CMSS1: variants seen among roughly 807,000 people sequenced by gnomAD.
CMSS1 encodes the protein protein CMSS1.
CMSS1 carries 33 observed loss-of-function variants against 43.5 expected under a neutral mutation model. The ratio of observed to expected loss-of-function variants is 0.76; its 90% CI spans 0.57 to 1.01. The LOEUF is 1.01. CMSS1 is among the 50% of genes least tolerant of loss of function. CMSS1 has a pLI of 0.00. For synonymous variants in CMSS1, 115 were observed against 117.2 expected (o/e 0.98, Z 0.12); for missense variants, 313 against 326.4 (o/e 0.96, Z 0.32).
chr3:99,879,890 AGGTAT>A (rs752184138), intron 1 of CMSS1, among the ~76,000 whole-genome samples: 256 of 152,134 alleles, frequency 1.7e-3, no homozygotes, highest in Middle Eastern at 3.4e-3. Context: ...GCATAGGGAG[AGGTAT>A]AGTTCCATGG....
chr3:100,027,011 T>C (rs772208842), intron 1 of CMSS1, among the ~76,000 whole-genome samples: 33 of 152,284 alleles, frequency 2.2e-4, no homozygotes, highest in Admixed American at 2.0e-4. Flanking sequence ...TTGTGACCTT[T>C]GTCCTTGCTG....
At chr3:100,010,113 T>C in intron 1 of CMSS1, 1 of 937,014 alleles carries the variant, frequency 1.1e-6, no homozygotes, top group Non-Finnish European at 1.3e-6. Flanking sequence ...TTTTTCTTTC[T>C]GTCTCTCTTA....
At chr3:100,041,694 A>G (rs2065207157) in intron 1 of CMSS1, among the ~76,000 whole-genome samples, 1 of 152,230 alleles carries the variant, frequency 6.6e-6, no homozygotes, top group Non-Finnish European at 1.5e-5. Context: ...GAAGGGGGAT[A>G]AGTGCAGATA....
intron 1 of CMSS1, among the ~76,000 whole-genome samples, chr3:100,145,627 T>C (rs377328265): frequency 2.6e-5 from 4 of 152,334 alleles, no homozygotes; most frequent in East Asian, 3.9e-4. Context: ...GCTGATAGTT[T>C]AGTTCTAGTC....
intron 1 of CMSS1, among the ~76,000 whole-genome samples, chr3:99,855,312 T>C (rs1411976510): frequency 6.6e-6 from 1 of 152,192 alleles, no homozygotes; most frequent in Admixed American, 6.5e-5. Context: ...AGCTACATTT[T>C]CATGCAAAAA....
chr3:99,943,766 A>G (rs1450624815), intron 1 of CMSS1, among the ~76,000 whole-genome samples: 1 of 152,222 alleles, frequency 6.6e-6, no homozygotes, highest in African/African-American at 2.4e-5. Flanking sequence ...TAATCCAAAT[A>G]TAAGCAAAGC....
intron 1 of CMSS1, among the ~76,000 whole-genome samples, chr3:100,135,078 G>A (rs2066740208): frequency 6.6e-6 from 1 of 152,168 alleles, no homozygotes; most frequent in African/African-American, 2.4e-5. Flanking sequence ...AGAGCATTTA[G>A]AACAGTGCCT....
chr3:99,820,773 T>C (rs1331787239), intron 1 of CMSS1, among the ~76,000 whole-genome samples: 1 of 152,236 alleles, frequency 6.6e-6, no homozygotes, highest in African/African-American at 2.4e-5. Flanking sequence ...TTACTTAAGT[T>C]ATTTGATAGG....
At chr3:99,888,964 A>C (rs1457144194) in intron 1 of CMSS1, among the ~76,000 whole-genome samples, 1 of 152,138 alleles carries the variant, frequency 6.6e-6, no homozygotes, top group African/African-American at 2.4e-5. Flanking sequence ...CATTGATTAC[A>C]TTATATTCAG....
chr3:100,012,869 G>C (rs1401956613), intron 1 of CMSS1, among the ~76,000 whole-genome samples: 1 of 151,322 alleles, frequency 6.6e-6, no homozygotes, highest in Admixed American at 6.6e-5. Flanking sequence ...CACCTCCCAG[G>C]CTCAAGCAGT....
chr3:99,873,871 C>A (rs1278734925), intron 1 of CMSS1, among the ~76,000 whole-genome samples: 1 of 152,158 alleles, frequency 6.6e-6, no homozygotes, highest in Non-Finnish European at 1.5e-5. Context: ...TTAATCACCA[C>A]AAAAGTGCAA....
chr3:100,129,573 G>T (rs2066690195), intron 1 of CMSS1, among the ~76,000 whole-genome samples: 1 of 152,160 alleles, frequency 6.6e-6, no homozygotes, highest in Admixed American at 6.5e-5. Context: ...TGCTGATTAA[G>T]TTTGGGCTTG....
At chr3:100,168,039 G>T (rs920694770) in intron 6 of CMSS1, among the ~76,000 whole-genome samples, 199 bp downstream of exon 6, 1 of 152,174 alleles carries the variant, frequency 6.6e-6, no homozygotes, top group Non-Finnish European at 1.5e-5. Flanking sequence ...GATAAGTTAT[G>T]TAAGGAAAAA....
chr3:99,879,962 A>G (rs192501059), intron 1 of CMSS1, among the ~76,000 whole-genome samples: 28 of 152,222 alleles, frequency 1.8e-4, no homozygotes, highest in Admixed American at 1.6e-3. Context: ...TTCGGTGTTT[A>G]TTGCACCCCA....
intron 1 of CMSS1, among the ~76,000 whole-genome samples, chr3:100,137,258 G>A (rs1438183495): frequency 6.6e-6 from 1 of 152,200 alleles, no homozygotes; most frequent in African/African-American, 2.4e-5. Flanking sequence ...TGTGTATAGT[G>A]TAGCCTTCCC....
chr3:99,884,456 C>T (rs147595962), intron 1 of CMSS1, among the ~76,000 whole-genome samples: 1 of 152,058 alleles, frequency 6.6e-6, no homozygotes, highest in Non-Finnish European at 1.5e-5. Context: ...AATATGGAAC[C>T]TCTATAAAGA....
intron 1 of CMSS1, among the ~76,000 whole-genome samples, chr3:99,826,329 C>CT (rs1219650861): frequency 2.6e-5 from 4 of 152,060 alleles, no homozygotes; most frequent in African/African-American, 9.7e-5. Flanking sequence ...GGTCAGCAAA[C>CT]TTTTTTCATA....
chr3:100,016,621 A>G (rs1406406360), intron 1 of CMSS1, among the ~76,000 whole-genome samples: 1 of 152,230 alleles, frequency 6.6e-6, no homozygotes, highest in Non-Finnish European at 1.5e-5. Flanking sequence ...ATACTTTGCC[A>G]TATGAATATG....
chr3:99,848,412 C>A, intron 1 of CMSS1: 6 of 1,614,124 alleles, frequency 3.7e-6, no homozygotes, highest in Non-Finnish European at 5.1e-6. Flanking sequence ...TTCGGTTATC[C>A]TGCAGTGGTG....
Sources: allele counts gnomAD v4.1 joint callset (sites outside exome capture counted in the v4.1 genomes callset), GRCh38; gene constraint gnomAD v4.1.1; transcripts MANE v1.5; gene names NCBI Gene and HGNC (gene_info 2026-07-23, HGNC 2026-07-21).